The following CD99L2 variants were observed in gnomAD, a reference collection of about 807,000 sequenced individuals.
CD99L2 encodes the protein CD99 antigen-like protein 2.
In CD99L2, 24 loss-of-function variants were observed where a neutral mutation model predicts 27.3. That is an observed-to-expected ratio of 0.88 (90% CI 0.64 to 1.24). The LOEUF (loss-of-function observed/expected upper bound fraction) is 1.24, where lower values mean the gene tolerates loss of function less well. CD99L2 is among the 50% of genes most tolerant of loss of function. The pLI, the probability that CD99L2 is intolerant of heterozygous loss-of-function variation, is 0.00. For synonymous variants in CD99L2, 97 were observed against 87.9 expected (o/e 1.10, Z -0.58); for missense variants, 255 against 221.6 (o/e 1.15, Z -0.96).
intron 1 of CD99L2, among the ~76,000 whole-genome samples, chrX:150,841,633 A>T (rs2046624757): frequency 9.0e-6 from 1 of 111,542 alleles, no homozygotes; most frequent in Non-Finnish European, 1.9e-5. Flanking sequence ...TTTTAGCCTC[A>T]GCCATTCCCC....
intron 2 of CD99L2, among the ~76,000 whole-genome samples, chrX:150,824,052 AGAGGAGGAG>A (rs782107988): frequency 2.1e-5 from 2 of 95,182 alleles, no homozygotes; most frequent in Non-Finnish European, 4.2e-5. Context: ...AGGAAGAAGA[AGAGGAGGAG>A]GAAGAGGAGG....
chrX:150,889,035 A>G (rs1256699812), intron 1 of CD99L2, among the ~76,000 whole-genome samples: 2 of 112,949 alleles, frequency 1.8e-5, no homozygotes, highest in Admixed American at 1.9e-4. Context: ...CCTGGGAGAA[A>G]GGGGGCAAGT....
chrX:150,837,414 T>C (rs1911442365), intron 1 of CD99L2, among the ~76,000 whole-genome samples: 1 of 111,135 alleles, frequency 9.0e-6, no homozygotes, highest in Non-Finnish European at 1.9e-5. Flanking sequence ...CACACTTGGC[T>C]AATTTTTGTA....
chrX:150,825,036 T>C (rs1322757445), intron 2 of CD99L2, among the ~76,000 whole-genome samples: 2 of 112,288 alleles, frequency 1.8e-5, no homozygotes, highest in Non-Finnish European at 3.8e-5. Context: ...CGTATCTATG[T>C]ATATATTTAA....
chrX:150,806,454 C>T (rs1313725620), intron 4 of CD99L2, among the ~76,000 whole-genome samples: 1 of 111,624 alleles, frequency 9.0e-6, no homozygotes, highest in Non-Finnish European at 1.9e-5. Context: ...CGGGGTCTTG[C>T]TAAGTTGTCC....
intron 1 of CD99L2, among the ~76,000 whole-genome samples, chrX:150,892,177 C>T (rs1407491737): frequency 4.6e-5 from 5 of 109,476 alleles, no homozygotes; most frequent in Admixed American, 9.7e-5. Context: ...GCCAAGATCG[C>T]GCCATTGCAC....
chrX:150,890,439 A>G (rs1401486174), intron 1 of CD99L2, among the ~76,000 whole-genome samples: 1 of 112,092 alleles, frequency 8.9e-6, no homozygotes, highest in Admixed American at 9.5e-5. Context: ...AGATTGCGCC[A>G]TTGCACTCCA....
At chrX:150,883,335 T>C (rs1361189256) in intron 1 of CD99L2, among the ~76,000 whole-genome samples, 1 of 112,037 alleles carries the variant, frequency 8.9e-6, no homozygotes, top group African/African-American at 3.2e-5. Flanking sequence ...ATTTTGACTT[T>C]GGTTTTGACA....
chrX:150,817,191 G>T (rs1419002832), intron 2 of CD99L2, among the ~76,000 whole-genome samples: 1 of 102,976 alleles, frequency 9.7e-6, no homozygotes, highest in Non-Finnish European at 2.0e-5. Context: ...AAAACTTAAA[G>T]TATAATAATA....
intron 1 of CD99L2, among the ~76,000 whole-genome samples, chrX:150,869,613 T>A (rs949744275): frequency 8.9e-6 from 1 of 112,025 alleles, no homozygotes; most frequent in Non-Finnish European, 1.9e-5. Context: ...GTGCCCTGAG[T>A]GGCTGCCAGT....
rs1402157323 is a variant in CD99L2, at chrX:150,767,362, G to A, written c.*1672C>T. On this transcript the variant is annotated 3_prime_UTR_variant, in exon 11 of 11. Coordinates refer to ENST00000370377, the MANE Select transcript of CD99L2 (RefSeq NM_031462.4). ...TTTCTTTCCTTCATGGCACCACGCA[G>A]AGGCATTTCTGCAGTGCTGCAGGTC... 1.8e-5 allele frequency: 2 copies of A among 112,127 alleles called. No homozygotes were observed. The highest frequency in any genetic ancestry group is 6.5e-5 in the African/African-American group (2 of 30,797). 9.2% of individuals were successfully genotyped at this position (112,127 alleles called of 1,213,427 possible).
rs1418932412 is a variant in CD99L2, at chrX:150,795,451, G to A, written c.313C>T (p.Pro105Ser). 8.3e-7 allele frequency: 1 copy of A among 1,211,514 alleles called. No individual in the cohort carries two copies. The highest frequency in any genetic ancestry group is 1.1e-6 in the Non-Finnish European group (1 of 895,433). Residue 105 changes from proline (P) to serine (S), a missense_variant, in exon 5 of 11, where the codon CCA becomes TCA. Transcript: ENST00000370377. ...TTTGCTGGAGCTCTGGTGGTTACTG[G>A]CCTCTTGGTCGTGGTGGTTACATGG... ...WNHVTTTTKRPVTTRAPANTL... is the reference protein window; with the variant it reads ...WNHVTTTTKRSVTTRAPANTL...
chrX:150,769,219 G>GA (rs1202959108), intron 10 of CD99L2, 118 bp from the exon 11 acceptor site: 25 of 862,630 alleles, frequency 2.9e-5, no homozygotes, highest in Non-Finnish European at 3.5e-5. Context: ...CCCCTGGGGG[G>GA]CCGCTTAGCA....
intron 1 of CD99L2, among the ~76,000 whole-genome samples, chrX:150,890,054 G>A (rs1355877140): frequency 1.8e-5 from 2 of 110,726 alleles, no homozygotes; most frequent in South Asian, 7.7e-4. Context: ...TCGGGAGGCT[G>A]AGGCAGGAGA....
intron 1 of CD99L2, among the ~76,000 whole-genome samples, chrX:150,873,738 A>G (rs781885956): frequency 9.0e-6 from 1 of 111,463 alleles, no homozygotes; most frequent in South Asian, 3.8e-4. Context: ...AAGAGGAATG[A>G]GAAGGAGCCA....
chrX:150,898,509 C>A lies in CD99L2; in HGVS notation c.67+13G>T. ...TCCCCGCGCGGTCCCCGCGCGCCCC[C>A]CGCCCGCCTTACCTCGCTGGACCAG... On this transcript the variant is annotated intron_variant, in intron 1 of 10. Coordinates refer to ENST00000370377, the MANE Select transcript of CD99L2 (RefSeq NM_031462.4). 1 of 1,103,942 alleles carries A rather than the reference C, an allele frequency of 9.1e-7. No individual in the cohort carries two copies. Among genetic ancestry groups the A allele is most frequent in the Non-Finnish European group, 1.2e-6 (1 of 844,239 alleles). 91.0% of individuals were successfully genotyped at this position (1,103,942 alleles called of 1,213,427 possible). A position where few individuals can be genotyped will look rare whatever the true frequency, so the allele number is the denominator to read the frequency against.
intron 1 of CD99L2, among the ~76,000 whole-genome samples, chrX:150,862,437 C>T (rs1252889384): frequency 2.7e-5 from 3 of 111,572 alleles, no homozygotes; most frequent in African/African-American, 6.5e-5. Flanking sequence ...AGCCAAGGAA[C>T]GCAGGCAGTC....
chrX:150,861,427 G>C (rs781859681), intron 1 of CD99L2, among the ~76,000 whole-genome samples: 6 of 111,564 alleles, frequency 5.4e-5, no homozygotes, highest in Non-Finnish European at 7.5e-5. Flanking sequence ...TAGACCAATG[G>C]AACAGAATAG....
chrX:150,878,624 G>A (rs886499418), intron 1 of CD99L2, among the ~76,000 whole-genome samples: 17 of 110,293 alleles, frequency 1.5e-4, no homozygotes, highest in African/African-American at 4.9e-4. Context: ...AAGTGCAATC[G>A]GAATCCCAAC....
Sources: gnomAD v4.1 joint callset for allele counts (sites outside exome capture counted in the v4.1 genomes callset) on GRCh38, gnomAD v4.1.1 for gene constraint, MANE v1.5 for transcripts, NCBI Gene and HGNC (gene_info 2026-07-23, HGNC 2026-07-21) for gene names.